TLR8: variants seen among roughly 807,000 people sequenced by gnomAD.
The protein encoded by TLR8 is toll like receptor 8, also known as toll-like receptor 8.
Under a neutral mutation model 18.5 loss-of-function variants are expected in TLR8, and 5 were observed. That is an observed-to-expected ratio of 0.27 (90% CI 0.14 to 0.57). The LOEUF (loss-of-function observed/expected upper bound fraction) is 0.57, where lower values mean the gene tolerates loss of function less well. Ranked by LOEUF, TLR8 falls within the 20% of genes least tolerant of loss-of-function variation. The pLI, the probability that TLR8 is intolerant of heterozygous loss-of-function variation, is 0.92. For synonymous variants in TLR8, 299 were observed against 300.1 expected, an observed-to-expected ratio of 1.00 and a Z score of 0.04; for missense variants, 543 against 769.8, an observed-to-expected ratio of 0.71 and a Z score of 3.49.
rs2043101946 is a variant in TLR8 at position 12,922,329 on chromosome X, A to C, written c.*163A>C. On this transcript the variant is annotated 3_prime_UTR_variant, in exon 2 of 2. Coordinates refer to ENST00000218032, the MANE Select transcript of TLR8 (RefSeq NM_138636.5). ...TGAGGGTCAGGAGTCCAGGCCCAGCATAACTGGGTCCTCTGCTCAGGGTGT... is the reference window on the plus strand; with the variant it reads ...TGAGGGTCAGGAGTCCAGGCCCAGCCTAACTGGGTCCTCTGCTCAGGGTGT... 1 of 610,352 alleles carries C rather than the reference A, an allele frequency of 1.6e-6. No homozygotes were observed. The highest frequency in any genetic ancestry group is 3.1e-5 in the South Asian group (1 of 32,751). The allele number at this position is 610,352 out of a possible 1,213,427, so 50.3% of individuals were successfully genotyped here.
Position 12,919,210 on chromosome X carries a change from T to G in TLR8, c.170T>G (p.Val57Gly). ...AECSNRRLQE[V>G]PQTVGKYVTE... is the part of the protein sequence containing the mutation. ...TGCAGCAATCGTCGACTACAGGAAG[T>G]TCCCCAAACGGTGGGCAAATATGTG... Residue 57 changes from valine (V) to glycine (G), a missense_variant, in exon 2 of 2, where the codon GTT becomes GGT. Val to Gly is a moderately radical substitution (Grantham distance 109). This residue lies in a region of TLR8 where 117 missense variants were observed against 111.0 expected (regional missense o/e 1.05). Transcript: ENST00000218032. The G allele has an allele frequency of 8.3e-7, 1 of 1,211,642 alleles. No homozygotes were observed. Among genetic ancestry groups the G allele is most frequent in the Non-Finnish European group, 1.1e-6 (1 of 895,418 alleles).
In TLR8 at chrX:12,921,379, T is replaced by C. The variant is rs371431389; in HGVS notation, c.2339T>C (p.Ile780Thr). 1.8e-5 allele frequency: 22 copies of C among 1,210,337 alleles called. No individual in the cohort carries two copies. The African/African-American group carries it at 2.6e-4, about 14-fold the overall frequency. Reference protein sequence around the residue: ...HGNPFECTCDIGDFRRWMDEH... With the variant: ...HGNPFECTCDTGDFRRWMDEH... ...AACCCCTTTGAATGCACCTGTGACA[T>C]TGGAGATTTCCGAAGATGGATGGAT... Residue 780 changes from isoleucine (I) to threonine (T), a missense_variant, in exon 2 of 2, where the codon ATT becomes ACT. Physicochemically the swap from Ile to Thr is moderately conservative, Grantham distance 89 (BLOSUM62 -1). Transcript: ENST00000218032.
At chrX:12,917,495 T>C (rs1048280583) in intron 1 of TLR8, among the ~76,000 whole-genome samples, 2 of 112,586 alleles carry the variant, frequency 1.8e-5, no homozygotes, top group Non-Finnish European at 3.8e-5. Context: ...AAGGCACTTA[T>C]CTGGTTTAAT....
intron 1 of TLR8, among the ~76,000 whole-genome samples, chrX:12,907,875 T>G (rs1045461478): frequency 9.0e-6 from 1 of 111,538 alleles, no homozygotes; most frequent in African/African-American, 3.3e-5. Context: ...ATCTTGAAGG[T>G]AAATTAATTC....
At chrX:12,918,516 A>T (rs1055426861) in intron 1 of TLR8, among the ~76,000 whole-genome samples, 1 of 111,097 alleles carries the variant, frequency 9.0e-6, no homozygotes, top group Non-Finnish European at 1.9e-5. Context: ...AATCTCAGAT[A>T]GCTTCATCTT....
chrX:12,921,292 T>C lies in TLR8; in HGVS notation c.2252T>C (p.Ile751Thr). ...TTAAGTTCCAATCTGCTAAAAACAA[T>C]CAACAAATCCGCACTTGAAACTAAG... ...LDLSSNLLKT[I>T]NKSALETKTT... is the part of the protein sequence containing the mutation. The change falls in exon 2 of 2, where the codon ATC becomes ACC. Residue 751 changes from isoleucine to threonine, a missense_variant. By Grantham distance (89) the Ile-to-Thr change is moderately conservative. Coordinates refer to ENST00000218032, the MANE Select transcript of TLR8 (RefSeq NM_138636.5). 1 of 1,211,672 alleles carries C rather than the reference T, an allele frequency of 8.3e-7. No individual in the cohort carries two copies. Among genetic ancestry groups the C allele is most frequent in the Non-Finnish European group, 1.1e-6 (1 of 895,502 alleles).
chrX:12,910,952 C>CT (rs964228769), intron 1 of TLR8, among the ~76,000 whole-genome samples: 39 of 105,590 alleles, frequency 3.7e-4, no homozygotes, highest in African/African-American at 7.9e-4. Context: ...ATTTTTTTTT[C>CT]TTTTTTTTTT....
chrX:12,907,090 C>A (rs190403348), intron 1 of TLR8, among the ~76,000 whole-genome samples: 62 of 112,406 alleles, frequency 5.5e-4, no homozygotes, highest in African/African-American at 1.6e-3. Context: ...AATATTCTTC[C>A]TTTGCTATTT....
At chrX:12,908,520 G>A (rs1458811103) in intron 1 of TLR8, among the ~76,000 whole-genome samples, 3 of 112,722 alleles carry the variant, frequency 2.7e-5, no homozygotes, top group African/African-American at 9.7e-5. Flanking sequence ...AATCAGAGGG[G>A]GAGCTTTCAA....
chrX:12,909,415 A>T (rs1255048492), intron 1 of TLR8, among the ~76,000 whole-genome samples: 2 of 112,523 alleles, frequency 1.8e-5, no homozygotes, highest in East Asian at 5.5e-4. Context: ...TATAAGACAC[A>T]GTAATATAAA....
rs5744087 is a variant in TLR8 at position 12,922,325 on chromosome X, C to G, written c.*159C>G. ...TTTTTGAGGGTCAGGAGTCCAGGCC[C>G]AGCATAACTGGGTCCTCTGCTCAGG... On this transcript the variant is annotated 3_prime_UTR_variant, in exon 2 of 2. Transcript: ENST00000218032. The G allele has an allele frequency of 7.8e-3, 5,032 of 645,235 alleles. 158 individuals are homozygous for G. In the African/African-American group the frequency reaches 0.096, roughly 12 times the overall value. 53.2% of individuals were successfully genotyped at this position (645,235 alleles called of 1,213,427 possible).
At chrX:12,916,189 G>T (rs1178341451) in intron 1 of TLR8, among the ~76,000 whole-genome samples, 6 of 112,059 alleles carry the variant, frequency 5.4e-5, no homozygotes, top group Non-Finnish European at 1.1e-4. Context: ...CTAGGCCAAA[G>T]TCCCCTCTTC....
chrX:12,918,382 T>C (rs1271378442), intron 1 of TLR8, among the ~76,000 whole-genome samples: 1 of 111,887 alleles, frequency 8.9e-6, no homozygotes, highest in Non-Finnish European at 1.9e-5. Context: ...GCTATAAATA[T>C]ATAGCTTGCA....
Position 12,910,008 on chromosome X carries a change from T to C in TLR8, c.3+3299T>C, listed in dbSNP as rs145228654. Among the ~76,000 whole-genome samples the C allele has an allele frequency of 5.4e-3, 604 of 112,495 alleles. 6 individuals are homozygous for C. The highest frequency in any genetic ancestry group is 0.018 in the African/African-American group (564 of 30,956). ...AAGTGCACTTAATGTGGTCATGTTTTCTTTTGTCTTCCAAAGCTGTTAGTG... is the reference window on the plus strand; with the variant it reads ...AAGTGCACTTAATGTGGTCATGTTTCCTTTTGTCTTCCAAAGCTGTTAGTG... On this transcript the variant is annotated intron_variant, in intron 1 of 1. Coordinates refer to ENST00000218032, the MANE Select transcript of TLR8 (RefSeq NM_138636.5).
Position 12,919,195 on chromosome X carries a change from G to A in TLR8, c.155G>A (p.Arg52His), listed in dbSNP as rs781778459. Residue 52 changes from arginine to histidine, a missense_variant, in exon 2 of 2, where the codon CGT (arginine) becomes CAT (histidine). Arg to His is a conservative substitution (Grantham distance 29, BLOSUM62 0). This residue lies in a region of TLR8 where 117 missense variants were observed against 111.0 expected (regional missense o/e 1.05). Coordinates refer to ENST00000218032, the MANE Select transcript of TLR8 (RefSeq NM_138636.5). ...TCAGTTATTGCAGAGTGCAGCAATC[G>A]TCGACTACAGGAAGTTCCCCAAACG... The part of the protein sequence containing the change: ...NDSVIAECSN[R>H]RLQEVPQTVG... The A allele has an allele frequency of 5.0e-6, 6 of 1,210,356 alleles. No homozygotes were observed. The highest frequency in any genetic ancestry group is 2.3e-4 in the Middle Eastern group (1 of 4,377).
chrX:12,920,053 G>A lies in TLR8; in HGVS notation c.1013G>A (p.Arg338His), dbSNP rs2043083247. The A allele has an allele frequency of 1.4e-5, 17 of 1,208,263 alleles. No individual in the cohort carries two copies. The highest frequency in any genetic ancestry group is 1.8e-5 in the South Asian group (1 of 56,585). The change falls in exon 2 of 2, where the codon CGC becomes CAC. Residue 338 changes from arginine (R) to histidine (H), a missense_variant. By Grantham distance (29) the Arg-to-His change is conservative. Transcript: ENST00000218032. ...GGGGCATTTTTAACGATGCTGCCCC[G>A]CTTAGAAATACTTGACTTGTCTTTT... ...ASGAFLTMLP[R>H]LEILDLSFNY...
At position 12,921,503 on chromosome X, in the gene TLR8, T is replaced by C. The variant is rs2043095122; in HGVS notation, c.2463T>C (p.Thr821=). The stretch of plus-strand genomic sequence containing the variant: ...GTATTGTGAGTCTGGAGCTAACAAC[T>C]TGTGTTTCAGATGTCACTGCAGTGA... The part of the protein sequence containing the change: ...GKSIVSLELT[T]CVSDVTAVIL... The change falls in exon 2 of 2, where the codon ACT becomes ACC. Residue 821 remains threonine, a synonymous_variant. Coordinates refer to ENST00000218032, the MANE Select transcript of TLR8 (RefSeq NM_138636.5). The C allele has an allele frequency of 8.3e-7, 1 of 1,211,323 alleles. No homozygotes were observed. Among genetic ancestry groups the C allele is most frequent in the African/African-American group, 1.7e-5 (1 of 57,801 alleles).
In TLR8 at chrX:12,919,691, A is replaced by C. The variant is rs1194374984; in HGVS notation, c.651A>C (p.Pro217=). Residue 217 remains proline (P), a synonymous_variant, in exon 2 of 2, where the codon CCA becomes CCC. Transcript: ENST00000218032. ...CTTTCAATTCTCTTTCACACGTGCC[A>C]CCCAAACTGCCAAGCTCCCTACGCA... ...SLSFNSLSHV[P]PKLPSSLRKL... 3 of 1,208,908 alleles carry C rather than the reference A, an allele frequency of 2.5e-6. No individual in the cohort carries two copies. The African/African-American group carries it at 5.3e-5, about 21-fold the overall frequency.
Position 12,922,180 on chromosome X carries a change from A to C in TLR8, c.*14A>C. 8.5e-7 allele frequency: 1 copy of C among 1,175,606 alleles called. No homozygotes were observed. Among genetic ancestry groups the C allele is most frequent in the Non-Finnish European group, 1.1e-6 (1 of 876,928 alleles). ...AAGCAATACTAACTGACGTTAAGTC[A>C]TGATTTCGCGCCATAATAAAGATGC... On this transcript the variant is annotated 3_prime_UTR_variant, in exon 2 of 2. Coordinates refer to ENST00000218032, the MANE Select transcript of TLR8 (RefSeq NM_138636.5).
Sources: gnomAD v4.1 joint callset for allele counts (sites outside exome capture counted in the v4.1 genomes callset) on GRCh38, gnomAD v4.1.1 for gene constraint, gnomAD v4.1.1 regional missense constraint, MANE v1.5 for transcripts, NCBI Gene and HGNC (gene_info 2026-07-23, HGNC 2026-07-21) for gene names.